Variants in MCC observed in about 807,000 individuals in gnomAD.
MCC encodes MCC regulator of Wnt signaling pathway.
In MCC, 90 loss-of-function variants were observed where a neutral mutation model predicts 116.2. The observed-to-expected ratio is 0.77, with a 90% CI of 0.65 to 0.92. MCC has a LOEUF of 0.92. Among genes scored for constraint, MCC ranks in the 40% least tolerant of loss-of-function variants. The probability of loss-of-function intolerance (pLI) is 0.00; values close to 1 mark genes in which losing one functional copy is unlikely to be tolerated. For synonymous variants in MCC, 578 were observed against 510.5 expected, an observed-to-expected ratio of 1.13 and a Z score of -1.78; for missense variants, 1,516 against 1,312.2, an observed-to-expected ratio of 1.16 and a Z score of -2.40.
intron 11 of MCC, among the ~76,000 whole-genome samples, chr5:113,081,171 A>AT (rs959192834): frequency 2.6e-5 from 4 of 152,320 alleles, no homozygotes; most frequent in African/African-American, 4.8e-5. Flanking sequence ...ACATCAGGAT[A>AT]TACTGGTAGC....
rs1174146752 is a variant in MCC, at chr5:113,071,124, G to T, written c.1895C>A (p.Ala632Asp). ...SMLVGKYESNATALRLALQYS... is the reference protein window; with the variant it reads ...SMLVGKYESNDTALRLALQYS... ...CTGCAAGGCCAGCCTCAGCGCTGTG[G>T]CATTGGATTCGTATTTTCCCACCAG... The change falls in exon 12 of 19, where the codon GCC becomes GAC. Residue 632 changes from alanine to aspartate, a missense_variant. Coordinates refer to ENST00000408903, the MANE Select transcript of MCC (RefSeq NM_001085377.2). The T allele has an allele frequency of 6.2e-7, 1 of 1,614,080 alleles. No homozygotes were observed. The highest frequency in any genetic ancestry group is 8.5e-7 in the Non-Finnish European group (1 of 1,179,994).
chr5:113,360,925 T>C (rs189763492), intron 2 of MCC, among the ~76,000 whole-genome samples: 1 of 152,310 alleles, frequency 6.6e-6, no homozygotes, highest in East Asian at 1.9e-4. Context: ...TATGTATGTA[T>C]CATACTTACA....
chr5:113,106,833 G>A (rs1371527976), intron 6 of MCC, among the ~76,000 whole-genome samples: 2 of 152,188 alleles, frequency 1.3e-5, no homozygotes, highest in African/African-American at 4.8e-5. Flanking sequence ...TAATTGACAT[G>A]AGCCACCATG....
At chr5:113,479,652 A>G (rs191075524) in intron 1 of MCC, among the ~76,000 whole-genome samples, 1 of 152,190 alleles carries the variant, frequency 6.6e-6, no homozygotes, top group African/African-American at 2.4e-5. Flanking sequence ...TGTTTTTTTA[A>G]TCTAATTAAA....
chr5:113,467,239 T>A (rs1365027932), intron 1 of MCC, among the ~76,000 whole-genome samples: 1 of 151,554 alleles, frequency 6.6e-6, no homozygotes, highest in Non-Finnish European at 1.5e-5. Context: ...TTTTGGTGTT[T>A]TAGACATGAA....
At chr5:113,428,067 C>T (rs1770529764) in intron 1 of MCC, among the ~76,000 whole-genome samples, 1 of 152,146 alleles carries the variant, frequency 6.6e-6, no homozygotes. Flanking sequence ...TCTAGCTCCA[C>T]CCTCCCTTAT....
intron 1 of MCC, among the ~76,000 whole-genome samples, chr5:113,422,817 T>G (rs1031904762): frequency 6.6e-6 from 1 of 152,184 alleles, no homozygotes; most frequent in African/African-American, 2.4e-5. Flanking sequence ...GACAGAGACT[T>G]CTAGTTATAC....
chr5:113,423,880 T>G (rs538161944), intron 1 of MCC, among the ~76,000 whole-genome samples: 1 of 152,250 alleles, frequency 6.6e-6, no homozygotes, highest in African/African-American at 2.4e-5. Context: ...ATCCTGAAAT[T>G]GGGGAATTCA....
chr5:113,454,111 CA>C (rs550356511), intron 1 of MCC, among the ~76,000 whole-genome samples: 103 of 141,520 alleles, frequency 7.3e-4, no homozygotes, highest in Non-Finnish European at 1.0e-3. Context: ...AACTCTGTCT[CA>C]AAAAAAAAAA....
At chr5:113,303,177 T>A (rs369375929) in intron 3 of MCC, among the ~76,000 whole-genome samples, 3 of 152,210 alleles carry the variant, frequency 2.0e-5, no homozygotes, top group African/African-American at 7.2e-5. Flanking sequence ...GTTGCATATA[T>A]GCATCTTGGG....
At chr5:113,101,502 C>G (rs912892851) in intron 8 of MCC, 1 of 532,702 alleles carries the variant, frequency 1.9e-6, no homozygotes, top group Middle Eastern at 5.1e-4. Flanking sequence ...GTAATTTTAT[C>G]AACCAGTCAG....
chr5:113,434,333 C>T lies in MCC; in HGVS notation c.171-49121G>A, dbSNP rs1770776079. On this transcript the variant is annotated intron_variant, in intron 1 of 18. Coordinates refer to ENST00000408903, the MANE Select transcript of MCC (RefSeq NM_001085377.2). This position sits in a 1 kb window ranked among gnomAD's most constrained non-coding sequence, Gnocchi z 4.2. ...ACCCACAGAAGGTCTTGCTTAATGC[C>T]ATTCGACCACTGTCATCCCGCAGGC... The T allele has an allele frequency of 6.2e-7, 1 of 1,613,714 alleles. No individual in the cohort carries two copies. The highest frequency in any genetic ancestry group is 1.1e-5 in the South Asian group (1 of 91,044).
rs983610116 is a variant in MCC, at chr5:113,027,073, C to T, written c.*229G>A. ...AGCAGGCACAGAACATGTGTTTACA[C>T]GCTGTTGTGGGCCCAGGAGGGAAGA... On this transcript the variant is annotated 3_prime_UTR_variant, in exon 19 of 19. Coordinates refer to ENST00000408903, the MANE Select transcript of MCC (RefSeq NM_001085377.2). 36 of 535,814 alleles carry T rather than the reference C, an allele frequency of 6.7e-5. No individual in the cohort carries two copies. Among genetic ancestry groups the T allele is most frequent in the East Asian group, 9.2e-5 (3 of 32,440 alleles). The allele number at this position is 535,814 out of a possible 1,614,324, so 33.2% of individuals were successfully genotyped here.
chr5:113,324,510 C>T (rs1408788220), intron 3 of MCC, among the ~76,000 whole-genome samples: 2 of 152,082 alleles, frequency 1.3e-5, no homozygotes, highest in Non-Finnish European at 1.5e-5. Flanking sequence ...TCCAGTATCC[C>T]TATGCCCATA....
At chr5:113,241,320 T>C (rs1764355705) in intron 3 of MCC, among the ~76,000 whole-genome samples, 2 of 152,190 alleles carry the variant, frequency 1.3e-5, no homozygotes, top group Admixed American at 6.5e-5. Flanking sequence ...GGAGGGAAGA[T>C]AGCAGAGGAG....
At chr5:113,048,224 A>G (rs976846590) in intron 16 of MCC, among the ~76,000 whole-genome samples, 3 of 152,160 alleles carry the variant, frequency 2.0e-5, no homozygotes, top group African/African-American at 2.4e-5. Flanking sequence ...CTCCCCCTTA[A>G]CTGCAGTTTT....
At chr5:113,376,087 TA>T (rs762064604) in intron 2 of MCC, among the ~76,000 whole-genome samples, 1 of 152,244 alleles carries the variant, frequency 6.6e-6, no homozygotes, top group Non-Finnish European at 1.5e-5. Flanking sequence ...AGATTTAAAA[TA>T]AAAAAATTAA....
At chr5:113,288,050 C>A (rs1342307407) in intron 3 of MCC, among the ~76,000 whole-genome samples, 1 of 152,218 alleles carries the variant, frequency 6.6e-6, no homozygotes, top group Non-Finnish European at 1.5e-5. Flanking sequence ...CTGGTTCCAG[C>A]CAAACGAACC....
chr5:113,138,236 C>T (rs766316436), intron 5 of MCC, among the ~76,000 whole-genome samples: 1 of 152,284 alleles, frequency 6.6e-6, no homozygotes, highest in African/African-American at 2.4e-5. Flanking sequence ...ATCTCAAACT[C>T]CTGTCCTCAA....
Sources: gnomAD v4.1 joint callset for allele counts (sites outside exome capture counted in the v4.1 genomes callset) on GRCh38, gnomAD v4.1.1 for gene constraint, Gnocchi (gnomAD v3.1) non-coding constraint, MANE v1.5 for transcripts, NCBI Gene and HGNC (gene_info 2026-07-23, HGNC 2026-07-21) for gene names.